MAP6: variants seen among roughly 807,000 people sequenced by gnomAD.
MAP6 encodes microtubule-associated protein 6.
Under a neutral mutation model 42.4 loss-of-function variants are expected in MAP6, and 26 were observed. That is an observed-to-expected ratio of 0.61 (90% CI 0.45 to 0.85). The LOEUF (loss-of-function observed/expected upper bound fraction) is 0.85, where lower values mean the gene tolerates loss of function less well. Among genes scored for constraint, MAP6 ranks in the 40% least tolerant of loss-of-function variants. The pLI, the probability that MAP6 is intolerant of heterozygous loss-of-function variation, is 0.00. For synonymous variants in MAP6, 418 were observed against 443.8 expected, an observed-to-expected ratio of 0.94 and a Z score of 0.73; for missense variants, 966 against 1,099.0, an observed-to-expected ratio of 0.88 and a Z score of 1.71.
At position 75,599,977 on chromosome 11, in the gene MAP6, G is replaced by A. The variant is rs144301294; in HGVS notation, c.1316+5831C>T. Among the ~76,000 whole-genome samples the A allele has an allele frequency of 3.3e-5, 5 of 152,332 alleles. No individual in the cohort carries two copies. The East Asian group carries it at 9.6e-4, about 29-fold the overall frequency. On this transcript the variant is annotated intron_variant, in intron 3 of 3. Transcript: ENST00000304771. ...CATAAGCAACGCATACATATAAATT[G>A]TTAGAATATTACCATTTAGGTCTGT...
chr11:75,655,481 G>T (rs1310069576), intron 1 of MAP6, among the ~76,000 whole-genome samples: 1 of 152,200 alleles, frequency 6.6e-6, no homozygotes, highest in African/African-American at 2.4e-5. Context: ...CCAAGAAAAG[G>T]CATCGAGTGT....
At chr11:75,634,866 T>C (rs1943343279) in intron 1 of MAP6, among the ~76,000 whole-genome samples, 1 of 152,222 alleles carries the variant, frequency 6.6e-6, no homozygotes, top group Non-Finnish European at 1.5e-5. Context: ...CTGGCAGCTA[T>C]AAAGAGATGC....
intron 1 of MAP6, among the ~76,000 whole-genome samples, chr11:75,634,703 C>G (rs868450795): frequency 2.6e-5 from 4 of 152,144 alleles, no homozygotes; most frequent in African/African-American, 9.7e-5. Flanking sequence ...TGCTTGGAAA[C>G]GGGCTCTTCA....
At chr11:75,636,064 AC>A in intron 1 of MAP6, 1 of 152,238 alleles carries the variant, frequency 6.6e-6, no homozygotes, top group Admixed American at 6.5e-5. Flanking sequence ...CCTGGGCCCC[AC>A]CCCCATAGTC....
intron 3 of MAP6, among the ~76,000 whole-genome samples, chr11:75,598,217 G>T (rs1942614968): frequency 6.6e-6 from 1 of 152,182 alleles, no homozygotes; most frequent in Non-Finnish European, 1.5e-5. Flanking sequence ...TTATCTATTG[G>T]AGGCTTAAAG....
intron 3 of MAP6, chr11:75,604,937 A>G: frequency 2.0e-6 from 2 of 985,424 alleles, no homozygotes; most frequent in Non-Finnish European, 2.4e-6. Flanking sequence ...ATGGAAAGTC[A>G]AATTCCAAAC....
intron 1 of MAP6, among the ~76,000 whole-genome samples, chr11:75,652,857 A>G (rs988571228): frequency 1.3e-5 from 2 of 151,906 alleles, no homozygotes; most frequent in Non-Finnish European, 2.9e-5. Flanking sequence ...AAAAAGAAGA[A>G]AAAAGAAAAA....
At chr11:75,660,435 C>CT in intron 1 of MAP6, among the ~76,000 whole-genome samples, 1 of 152,270 alleles carries the variant, frequency 6.6e-6, no homozygotes, top group East Asian at 1.9e-4. Context: ...TCACTTCTGA[C>CT]TTTTTTCCCC....
chr11:75,606,077 G>C (rs1383944227), intron 2 of MAP6, 73 bp from the exon 3 acceptor site: 4 of 1,543,712 alleles, frequency 2.6e-6, no homozygotes, highest in Admixed American at 1.8e-5. Flanking sequence ...AGAGAGAAAA[G>C]ATATGGTTAA....
At chr11:75,621,663 G>T (rs1450031705) in intron 1 of MAP6, among the ~76,000 whole-genome samples, 2 of 149,292 alleles carry the variant, frequency 1.3e-5, no homozygotes, top group East Asian at 3.9e-4. Flanking sequence ...AATAAAACAA[G>T]AAAAGAAGTT....
At chr11:75,603,584 G>A in intron 3 of MAP6, 1 of 858,756 alleles carries the variant, frequency 1.2e-6, no homozygotes, top group South Asian at 5.6e-5. Flanking sequence ...GTTGGTCCCT[G>A]GGGCAGTGAG....
At chr11:75,645,411 G>A (rs1408280853) in intron 1 of MAP6, among the ~76,000 whole-genome samples, 1 of 152,110 alleles carries the variant, frequency 6.6e-6, no homozygotes, top group Non-Finnish European at 1.5e-5. Context: ...AGTCATGCAT[G>A]GGTGTGGAAT....
At position 75,667,476 on chromosome 11, in the gene MAP6, G is replaced by C. The variant is rs1438064067; in HGVS notation, c.894C>G (p.Ser298Arg). The C allele has an allele frequency of 6.6e-7, 1 of 1,507,718 alleles. No homozygotes were observed. Among genetic ancestry groups the C allele is most frequent in the African/African-American group, 1.4e-5 (1 of 69,598 alleles). 93.4% of individuals were successfully genotyped at this position (1,507,718 alleles called of 1,614,324 possible). A position where few individuals can be genotyped will look rare whatever the true frequency, so the allele number is the denominator to read the frequency against. The change falls in exon 1 of 4, where the codon AGC becomes AGG. Residue 298 changes from serine (S) to arginine (R), a missense_variant. Ser to Arg is a moderately radical substitution (Grantham distance 110). Coordinates refer to ENST00000304771, the MANE Select transcript of MAP6 (RefSeq NM_033063.2). This position sits in a 1 kb window ranked among gnomAD's most constrained non-coding sequence, Gnocchi z 5.6. The part of the protein sequence containing the change: ...QIREEVASAV[S>R]SSYRNEFRAW... ...CGGCCGCGTCTCACCTGTAGGAGCTGCTCACTGCACTCGCCACCTCCTCGC... is the reference window on the plus strand; with the variant it reads ...CGGCCGCGTCTCACCTGTAGGAGCTCCTCACTGCACTCGCCACCTCCTCGC...
intron 1 of MAP6, among the ~76,000 whole-genome samples, chr11:75,649,834 C>G (rs905078855): frequency 1.3e-5 from 2 of 152,110 alleles, no homozygotes; most frequent in African/African-American, 4.8e-5. Context: ...CCACCGCACC[C>G]AGCCTCAAAT....
At chr11:75,615,462 C>G (rs1372771602) in intron 1 of MAP6, among the ~76,000 whole-genome samples, 1 of 148,974 alleles carries the variant, frequency 6.7e-6, no homozygotes, top group Non-Finnish European at 1.5e-5. Flanking sequence ...GTCGTTTATT[C>G]AAGAAAAATT....
At chr11:75,652,401 C>T (rs1448528221) in intron 1 of MAP6, among the ~76,000 whole-genome samples, 3 of 152,168 alleles carry the variant, frequency 2.0e-5, no homozygotes, top group African/African-American at 7.2e-5. Flanking sequence ...TTGGGACCTG[C>T]CACCTCCCTT....
intron 1 of MAP6, among the ~76,000 whole-genome samples, chr11:75,618,482 C>T (rs1239830156): frequency 6.6e-6 from 1 of 152,064 alleles, no homozygotes; most frequent in Non-Finnish European, 1.5e-5. Context: ...TGGTGGGCGC[C>T]TGTAATCCCA....
intron 1 of MAP6, among the ~76,000 whole-genome samples, chr11:75,666,050 C>A (rs1023766579): frequency 2.6e-5 from 4 of 152,126 alleles, no homozygotes; most frequent in Admixed American, 6.5e-5. Context: ...AACCTATATA[C>A]AGAGTCTTGG....
At chr11:75,640,100 T>C (rs559409522) in intron 1 of MAP6, among the ~76,000 whole-genome samples, 15 of 152,126 alleles carry the variant, frequency 9.9e-5, no homozygotes. Context: ...CTAGAGCAGA[T>C]GGTTGTCAGC....
Sources: allele counts gnomAD v4.1 joint callset (sites outside exome capture counted in the v4.1 genomes callset), GRCh38; gene constraint gnomAD v4.1.1; non-coding constraint Gnocchi (gnomAD v3.1); transcripts MANE v1.5; gene names NCBI Gene and HGNC (gene_info 2026-07-23, HGNC 2026-07-21).